SDHA: variants seen among roughly 807,000 people sequenced by gnomAD.
SDHA encodes succinate dehydrogenase complex flavoprotein subunit A, also known as succinate dehydrogenase [ubiquinone] flavoprotein subunit, mitochondrial.
Under a neutral mutation model 78.4 loss-of-function variants are expected in SDHA, and 48 were observed. The ratio of observed to expected loss-of-function variants is 0.61; its 90% CI spans 0.49 to 0.78. SDHA has a LOEUF of 0.78. Among genes scored for constraint, SDHA ranks in the 30% least tolerant of loss-of-function variants. SDHA has a pLI of 0.00. For missense variants in SDHA, 680 were observed against 892.7 expected, an observed-to-expected ratio of 0.76 and a Z score of 3.04; for synonymous variants, 326 against 353.9, an observed-to-expected ratio of 0.92 and a Z score of 0.88.
chr5:265,591 A>C, the SDHA span, among the ~76,000 whole-genome samples: 1 of 152,206 alleles, frequency 6.6e-6, no homozygotes, highest in African/African-American at 2.4e-5. Flanking sequence ...TCCTGCAAAT[A>C]AGTGAGTAAA....
At chr5:263,575 T>C in the SDHA span, among the ~76,000 whole-genome samples, 1 of 152,148 alleles carries the variant, frequency 6.6e-6, no homozygotes, top group South Asian at 2.1e-4. Flanking sequence ...AAGAAGCTTG[T>C]GGGTAGAGTG....
intron 13 of SDHA, among the ~76,000 whole-genome samples, chr5:253,393 A>G (rs1362930083): frequency 1.3e-5 from 2 of 152,226 alleles, no homozygotes; most frequent in African/African-American, 2.4e-5. Flanking sequence ...CCTGCAAAGT[A>G]TATGAATCCG....
intron 11 of SDHA, among the ~76,000 whole-genome samples, chr5:242,994 G>A (rs1364709622): frequency 6.6e-6 from 1 of 152,174 alleles, no homozygotes; most frequent in Non-Finnish European, 1.5e-5. Flanking sequence ...AAGAAAAAGA[G>A]TGGCCTGACC....
downstream of SDHA, among the ~76,000 whole-genome samples, chr5:258,259 C>T (rs1579452107): frequency 8.1e-6 from 1 of 123,942 alleles, no homozygotes; most frequent in South Asian, 2.4e-4. Flanking sequence ...CTGTGAGCTC[C>T]GCCCCATGTT....
intron 14 of SDHA, among the ~76,000 whole-genome samples, chr5:254,919 C>T (rs112494910): frequency 5.3e-5 from 8 of 152,128 alleles, no homozygotes; most frequent in Admixed American, 1.3e-4. Flanking sequence ...TCTCCTCCCA[C>T]GGGCTGGGCC....
At chr5:241,680 T>C (rs1326427836) in intron 11 of SDHA, among the ~76,000 whole-genome samples, 1 of 152,248 alleles carries the variant, frequency 6.6e-6, no homozygotes, top group Non-Finnish European at 1.5e-5. Context: ...TTTCTGTGTA[T>C]TTTCTAAAAA....
At chr5:230,281 T>G (rs2126565825) in intron 6 of SDHA, among the ~76,000 whole-genome samples, 1 of 152,326 alleles carries the variant, frequency 6.6e-6, no homozygotes, top group South Asian at 2.1e-4. Flanking sequence ...ATTTTCATTA[T>G]AAAAGTAGTA....
chr5:231,119 C>A (rs1272654574), intron 7 of SDHA, 119 bp downstream of exon 7: 2 of 1,215,388 alleles, frequency 1.6e-6, no homozygotes, highest in African/African-American at 3.1e-5. Context: ...AGATCAGCTT[C>A]CTCAGCTCTC....
rs955444699 is a variant in SDHA at position 240,443 on chromosome 5, A to G, written c.1518A>G (p.Ile506Met). Reference sequence around the variant, plus strand: ...AATTGAGATTTGCTGATGGAAGCATAAGAACATCGGAACTGCGACTCAGCA... The same window carrying G: ...AATTGAGATTTGCTGATGGAAGCATGAGAACATCGGAACTGCGACTCAGCA... ...LDKLRFADGS[I>M]RTSELRLSMQ... is the part of the protein sequence containing the mutation. Residue 506 changes from isoleucine (I) to methionine (M), a missense_variant, in exon 11 of 15, where the codon ATA (isoleucine) becomes ATG (methionine). Coordinates refer to ENST00000264932, the MANE Select transcript of SDHA (RefSeq NM_004168.4). 6 of 1,610,672 alleles carry G rather than the reference A, an allele frequency of 3.7e-6. No homozygotes were observed. In the African/African-American group the frequency reaches 5.3e-5, roughly 14 times the overall value.
At position 251,574 on chromosome 5, in the gene SDHA, G is replaced by A. The variant is rs770314933; in HGVS notation, c.1794+106G>A. ...TGCATTTTCTTTCGTTGCCCCAAAA[G>A]TAAATCCAAAAAATGCCTTTTTCCC... On this transcript the variant is annotated intron_variant, in intron 13 of 14. Coordinates refer to ENST00000264932, the MANE Select transcript of SDHA (RefSeq NM_004168.4). 4 of 1,577,050 alleles carry A rather than the reference G, an allele frequency of 2.5e-6. No homozygotes were observed. In the East Asian group the frequency reaches 9.1e-5, roughly 36 times the overall value.
At chr5:259,287 TTACCGTGTGAGCTCCGCCCCCCGC>T, downstream of SDHA, among the ~76,000 whole-genome samples, 3 of 49,152 alleles carry the variant, frequency 6.1e-5, 1 homozygote, top group Non-Finnish European at 1.1e-4. Flanking sequence ...CGCCAGAGCA[TTACCGTGTGAGCTCCGCCCCCCGC>T]CAGAGCATTA....
chr5:249,577 A>G (rs1365786942), intron 11 of SDHA: 1 of 152,566 alleles, frequency 6.6e-6, no homozygotes, highest in Non-Finnish European at 1.5e-5. Flanking sequence ...ATAACTAGCC[A>G]GAGCCCATCC....
intron 7 of SDHA, among the ~76,000 whole-genome samples, chr5:232,866 G>A (rs537715375): frequency 6.6e-5 from 10 of 152,268 alleles, no homozygotes; most frequent in Non-Finnish European, 8.8e-5. Context: ...ACAGACCGCC[G>A]GACTACCCAG....
Position 221,482 on chromosome 5 carries a change from G to A in SDHA, c.64-2000G>A, listed in dbSNP as rs540833983. 2.6e-4 allele frequency among the ~76,000 whole-genome samples: 40 copies of A among 152,294 alleles called. 1 individual carries two copies. The highest frequency in any genetic ancestry group is 8.5e-4 in the Admixed American group (13 of 15,302). On this transcript the variant is annotated intron_variant, in intron 1 of 14. Coordinates refer to ENST00000264932, the MANE Select transcript of SDHA (RefSeq NM_004168.4). ...TTTCTTGCTCGTGATTTATAGGTGC[G>A]TTGTATTAGATGAGGACCCCTTACT...
At chr5:251,911 G>C (rs1345212852) in intron 13 of SDHA, 12 of 350,452 alleles carry the variant, frequency 3.4e-5, no homozygotes, top group African/African-American at 2.4e-4. Flanking sequence ...TAACGAGTAA[G>C]CCACCGTTTC....
the SDHA span, among the ~76,000 whole-genome samples, chr5:263,311 C>A: frequency 2.2e-4 from 34 of 152,006 alleles, no homozygotes; most frequent in African/African-American, 7.7e-4. Context: ...TTTGGCAGTG[C>A]ACAGCCAGAG....
At chr5:263,935 G>C in the SDHA span, among the ~76,000 whole-genome samples, 8 of 152,202 alleles carry the variant, frequency 5.3e-5, no homozygotes, top group African/African-American at 1.7e-4. Context: ...TTGCAACCAA[G>C]TTCTTCACTG....
At chr5:225,277 C>T (rs1734940350) in intron 3 of SDHA, 142 bp from the exon 4 acceptor site, 1 of 1,030,036 alleles carries the variant, frequency 9.7e-7, no homozygotes, top group Non-Finnish European at 1.5e-6. Flanking sequence ...TCTCGCTGCT[C>T]CTCTGCTGAG....
the SDHA span, among the ~76,000 whole-genome samples, chr5:268,063 C>G: frequency 1.3e-5 from 2 of 152,174 alleles, no homozygotes; most frequent in Admixed American, 1.3e-4. Context: ...TCTTAGAGGT[C>G]AGGGTTGTAG....
Sources: allele counts gnomAD v4.1 joint callset (sites outside exome capture counted in the v4.1 genomes callset), GRCh38; gene constraint gnomAD v4.1.1; transcripts MANE v1.5; gene names NCBI Gene and HGNC (gene_info 2026-07-23, HGNC 2026-07-21).